CDH2: variants seen among roughly 807,000 people sequenced by gnomAD.
CDH2 encodes cadherin-2.
A neutral mutation model predicts 92.0 loss-of-function variants in CDH2; 17 were observed. That is an observed-to-expected ratio of 0.18 (90% confidence interval 0.13 to 0.28). The LOEUF (loss-of-function observed/expected upper bound fraction) is 0.28. Among genes scored for constraint, CDH2 ranks in the 10% least tolerant of loss-of-function variants. The pLI is 1.00. For synonymous variants in CDH2, 419 were observed against 415.9 expected (o/e 1.01, Z -0.09); for missense variants, 862 against 1,133.1 (o/e 0.76, Z 3.44).
At chr18:27,954,464 C>CTCTA (rs1909611864) in intron 15 of CDH2, 1 of 152,278 alleles carries the variant, frequency 6.6e-6, no homozygotes, top group Admixed American at 6.5e-5. Flanking sequence ...GCTTCAAGAA[C>CTCTA]TCTATCTAAT....
intron 2 of CDH2, among the ~76,000 whole-genome samples, chr18:28,071,587 G>C (rs1380497324): frequency 1.3e-5 from 2 of 152,152 alleles, no homozygotes; most frequent in African/African-American, 4.8e-5. Context: ...AAGCAGGAAA[G>C]AATTAAACCT....
chr18:27,940,992 G>GATAT (rs958367344), intron 6 of CDH2, among the ~76,000 whole-genome samples: 7 of 149,150 alleles, frequency 4.7e-5, no homozygotes, highest in South Asian at 2.2e-4. Flanking sequence ...TTGTAGGAGA[G>GATAT]ATACATACAT....
Position 28,177,063 on chromosome 18 carries a change from C to A in CDH2, c.-41G>T, listed in dbSNP as rs1439497211. 4.1e-6 allele frequency: 5 copies of A among 1,234,148 alleles called. No homozygotes were observed. The highest frequency in any genetic ancestry group is 3.2e-5 in the East Asian group (1 of 31,222). 76.4% of individuals were successfully genotyped at this position (1,234,148 alleles called of 1,614,324 possible). ...CCGAGCGAAGAGCCGGAGGAGGCGG[C>A]GGCGGCGGCGGCGGCGGCGGAGGAG... On this transcript the variant is annotated 5_prime_UTR_variant, in exon 1 of 16. Transcript: ENST00000269141.
chr18:28,023,668 GCATA>G (rs1383096073), intron 2 of CDH2, among the ~76,000 whole-genome samples: 1 of 152,036 alleles, frequency 6.6e-6, no homozygotes, highest in East Asian at 1.9e-4. Context: ...TTGCCTCCCT[GCATA>G]CATAATCTAC....
intron 2 of CDH2, among the ~76,000 whole-genome samples, chr18:28,032,837 T>A (rs1449408701): frequency 6.6e-6 from 1 of 152,024 alleles, no homozygotes; most frequent in Non-Finnish European, 1.5e-5. Context: ...GAAATTTCCA[T>A]TTCTTGTTGA....
intron 7 of CDH2, among the ~76,000 whole-genome samples, chr18:27,997,528 T>C (rs2012620923): frequency 6.6e-6 from 1 of 152,206 alleles, no homozygotes; most frequent in Non-Finnish European, 1.5e-5. Context: ...CTGCAGTTTT[T>C]GCCATTACTT....
chr18:28,076,745 G>A (rs192693658), intron 2 of CDH2, among the ~76,000 whole-genome samples: 29 of 137,538 alleles, frequency 2.1e-4, no homozygotes, highest in African/African-American at 7.8e-4. Flanking sequence ...CTGTGTCCAA[G>A]TGTTCTCACT....
chr18:28,045,021 A>T (rs1453073040), intron 2 of CDH2, among the ~76,000 whole-genome samples: 1 of 152,168 alleles, frequency 6.6e-6, no homozygotes, highest in Non-Finnish European at 1.5e-5. Flanking sequence ...ATTTTCAGGT[A>T]GATAGACCTC....
chr18:28,059,207 T>C (rs944461951), intron 2 of CDH2, among the ~76,000 whole-genome samples: 14 of 152,178 alleles, frequency 9.2e-5, no homozygotes, highest in African/African-American at 3.4e-4. Flanking sequence ...AGGAAATGCA[T>C]GAACATGATG....
intron 2 of CDH2, among the ~76,000 whole-genome samples, chr18:28,110,589 C>G (rs2015395091): frequency 6.6e-6 from 1 of 152,072 alleles, no homozygotes; most frequent in South Asian, 2.1e-4. Context: ...TAAGCAATAG[C>G]AGGAGTCATG....
At chr18:28,161,890 TC>T (rs2016311588) in intron 1 of CDH2, among the ~76,000 whole-genome samples, 1 of 152,092 alleles carries the variant, frequency 6.6e-6, no homozygotes, top group Admixed American at 6.5e-5. Flanking sequence ...CACCTTTTCT[TC>T]CTGTCAGAGC....
At position 28,013,299 on chromosome 18, in the gene CDH2, G is replaced by A. The variant is rs1567963975; in HGVS notation, c.399+384C>T. On this transcript the variant is annotated intron_variant, in intron 3 of 15. Transcript: ENST00000269141. ...AAACCCAATACTCATTGCCAGAAAT[G>A]TTTTCCTGTTACTACTTTAAATCTG... Among the ~76,000 whole-genome samples the A allele has an allele frequency of 2.0e-5, 3 of 152,062 alleles. No individual in the cohort carries two copies. In the South Asian group the frequency reaches 6.2e-4, roughly 31 times the overall value.
chr18:27,996,460 A>AAGGG (rs2012585265), intron 7 of CDH2, among the ~76,000 whole-genome samples: 2 of 152,170 alleles, frequency 1.3e-5, no homozygotes, highest in Non-Finnish European at 2.9e-5. Context: ...CTAGAATACC[A>AAGGG]TTCCCTTCAT....
intron 2 of CDH2, among the ~76,000 whole-genome samples, chr18:28,066,757 T>A (rs924472166): frequency 6.6e-6 from 1 of 150,826 alleles, no homozygotes; most frequent in African/African-American, 2.5e-5. Flanking sequence ...AAAAAAAGGT[T>A]ATTGTCACAA....
intron 14 of CDH2, among the ~76,000 whole-genome samples, chr18:27,964,049 G>A (rs971957431): frequency 6.6e-6 from 1 of 152,032 alleles, no homozygotes; most frequent in African/African-American, 2.4e-5. Context: ...TCTAAGATTA[G>A]CTTTTACATT....
intron 2 of CDH2, among the ~76,000 whole-genome samples, chr18:28,076,428 C>G (rs1019712442): frequency 1.3e-5 from 2 of 151,878 alleles, no homozygotes; most frequent in Non-Finnish European, 2.9e-5. Flanking sequence ...TAATATATGC[C>G]CCTTATAATC....
chr18:27,986,947 A>G (rs2012253756), intron 11 of CDH2, among the ~76,000 whole-genome samples: 1 of 152,238 alleles, frequency 6.6e-6, no homozygotes, highest in Non-Finnish European at 1.5e-5. Context: ...CATACAGAGT[A>G]TAAGAGCTTG....
intron 10 of CDH2, 55 bp downstream of exon 10, chr18:27,990,042 T>C (rs2012359900): frequency 3.4e-6 from 5 of 1,462,136 alleles, no homozygotes; most frequent in Admixed American, 2.0e-5. Context: ...ATAAATTTTA[T>C]GCACAGCATA....
At chr18:27,967,759 G>A (rs2011565332) in intron 14 of CDH2, among the ~76,000 whole-genome samples, 1 of 152,098 alleles carries the variant, frequency 6.6e-6, no homozygotes, top group South Asian at 2.1e-4. Context: ...TTTGGTCTAT[G>A]ATTTAAAATG....
Sources: gnomAD v4.1 joint callset for allele counts (sites outside exome capture counted in the v4.1 genomes callset) on GRCh38, gnomAD v4.1.1 for gene constraint, MANE v1.5 for transcripts, NCBI Gene and HGNC (gene_info 2026-07-23, HGNC 2026-07-21) for gene names.